Variants in AGAP1 observed in about 807,000 individuals in gnomAD.
AGAP1 encodes ArfGAP with GTPase domain, ankyrin repeat and PH domain 1, also known as arf-GAP with GTPase, ANK repeat and PH domain-containing protein 1.
AGAP1 carries 29 observed loss-of-function variants against 105.3 expected under a neutral mutation model. That is an observed-to-expected ratio of 0.28 (90% CI 0.21 to 0.38). AGAP1 has a LOEUF of 0.38. AGAP1 is among the 10% of genes least tolerant of loss of function. AGAP1 has a pLI of 1.00. For synonymous variants in AGAP1, 509 were observed against 485.9 expected, an observed-to-expected ratio of 1.05 and a Z score of -0.63; for missense variants, 998 against 1,165.1, an observed-to-expected ratio of 0.86 and a Z score of 2.09.
chr2:235,632,745 G>T lies in AGAP1; in HGVS notation c.164-76434G>T, dbSNP rs114467145. 3.0e-3 allele frequency among the ~76,000 whole-genome samples: 456 copies of T among 152,228 alleles called. 3 individuals are homozygous for T. Among genetic ancestry groups the T allele is most frequent in the Non-Finnish European group, 5.4e-3 (367 of 68,016 alleles). On this transcript the variant is annotated intron_variant, in intron 1 of 17. Coordinates refer to ENST00000304032, the MANE Select transcript of AGAP1 (RefSeq NM_001037131.3). ...GTGTTTCCCATGCTAAACAGTGCCC[G>T]CTGATTTAATCAAGAGACTTGATAG...
chr2:235,827,362 G>A (rs939148465), intron 9 of AGAP1, among the ~76,000 whole-genome samples: 1 of 152,140 alleles, frequency 6.6e-6, no homozygotes, highest in Non-Finnish European at 1.5e-5. Context: ...TGACCCACGT[G>A]GCTGAAGGGC....
rs1024006339 is a variant in AGAP1, at chr2:235,690,956, G to T, written c.164-18223G>T. On this transcript the variant is annotated intron_variant, in intron 1 of 17. Coordinates refer to ENST00000304032, the MANE Select transcript of AGAP1 (RefSeq NM_001037131.3). This position sits in a 1 kb window ranked among gnomAD's most constrained non-coding sequence, Gnocchi z 4.1. ...GATTCGTGGCTGCTATTTTAGATAT[G>T]CCAGGAGCCTTCTTGGAAGTCGCTC... Among the ~76,000 whole-genome samples the T allele has an allele frequency of 1.3e-5, 2 of 152,126 alleles. No individual in the cohort carries two copies. Among genetic ancestry groups the T allele is most frequent in the Non-Finnish European group, 2.9e-5 (2 of 68,024 alleles).
At chr2:235,745,649 C>CCTTTT (rs1559426585) in intron 5 of AGAP1, among the ~76,000 whole-genome samples, 1 of 152,164 alleles carries the variant, frequency 6.6e-6, no homozygotes, top group African/African-American at 2.4e-5. Context: ...GACTGTTTTG[C>CCTTTT]GAATTCTTTT....
rs894202450 is a variant in AGAP1 at position 235,578,564 on chromosome 2, C to T, written c.163+83715C>T. 1.3e-5 allele frequency among the ~76,000 whole-genome samples: 2 copies of T among 152,090 alleles called. No individual in the cohort carries two copies. Among genetic ancestry groups the T allele is most frequent in the African/African-American group, 4.8e-5 (2 of 41,424 alleles). On this transcript the variant is annotated intron_variant, in intron 1 of 17. Coordinates refer to ENST00000304032, the MANE Select transcript of AGAP1 (RefSeq NM_001037131.3). This position sits in a 1 kb window ranked among gnomAD's most constrained non-coding sequence, Gnocchi z 4.9. ...TTGGGAGGCTGAGGCAGGCGGATCA[C>T]TTGAGGTCAGGAGTTTGAGACCAGC...
chr2:236,107,902 T>C (rs1310649213), intron 16 of AGAP1, among the ~76,000 whole-genome samples: 1 of 152,232 alleles, frequency 6.6e-6, no homozygotes, highest in Non-Finnish European at 1.5e-5. Context: ...TTAATAATGA[T>C]CCTCTTCTGT....
chr2:235,671,701 C>T (rs1259289375), intron 1 of AGAP1, among the ~76,000 whole-genome samples: 3 of 152,220 alleles, frequency 2.0e-5, no homozygotes, highest in Admixed American at 2.0e-4. Flanking sequence ...GGACTGGATT[C>T]TGTTTCCTCA....
At chr2:235,948,348 A>G (rs2053589106) in intron 12 of AGAP1, among the ~76,000 whole-genome samples, 1 of 151,860 alleles carries the variant, frequency 6.6e-6, no homozygotes, top group Non-Finnish European at 1.5e-5. Context: ...ATGCCCAGCT[A>G]ATTTTTTGTA....
In AGAP1 at chr2:235,934,377, G is replaced by T. The variant is rs1278323161; in HGVS notation, c.1483+3454G>T. Among the ~76,000 whole-genome samples the T allele has an allele frequency of 6.6e-6, 1 of 152,178 alleles. No individual in the cohort carries two copies. Among genetic ancestry groups the T allele is most frequent in the Non-Finnish European group, 1.5e-5 (1 of 68,038 alleles). The stretch of plus-strand genomic sequence containing the variant: ...CAGGCTCCACCCAGGCCTGCTGGAC[G>T]CATCCTTGTCTGTCTGCGCCGAGGG... On this transcript the variant is annotated intron_variant, in intron 12 of 17. Coordinates refer to ENST00000304032, the MANE Select transcript of AGAP1 (RefSeq NM_001037131.3). The surrounding 1 kb of genome is among the most constrained non-coding windows in gnomAD (Gnocchi z 4.9).
chr2:235,516,788 G>A (rs987561503), intron 1 of AGAP1, among the ~76,000 whole-genome samples: 15 of 152,224 alleles, frequency 9.9e-5, no homozygotes, highest in African/African-American at 3.6e-4. Context: ...GGAAGTAAGT[G>A]GCGTCGCTGC....
At chr2:235,503,950 G>A (rs1298852195) in intron 1 of AGAP1, among the ~76,000 whole-genome samples, 1 of 152,156 alleles carries the variant, frequency 6.6e-6, no homozygotes, top group Non-Finnish European at 1.5e-5. Context: ...ACAGTGGCAC[G>A]ATCGTGGCTC....
chr2:235,746,183 G>A (rs1406814013), intron 5 of AGAP1, among the ~76,000 whole-genome samples: 1 of 151,832 alleles, frequency 6.6e-6, no homozygotes, highest in Non-Finnish European at 1.5e-5. Context: ...TACTTGGGAG[G>A]CTGAGGCAGG....
chr2:235,881,371 C>CT (rs1251536388), intron 9 of AGAP1, among the ~76,000 whole-genome samples: 1 of 152,110 alleles, frequency 6.6e-6, no homozygotes, highest in African/African-American at 2.4e-5. Flanking sequence ...CTCAAAGCGT[C>CT]TTCTTGTATT....
At chr2:235,544,549 C>T (rs1357717124) in intron 1 of AGAP1, among the ~76,000 whole-genome samples, 6 of 152,212 alleles carry the variant, frequency 3.9e-5, no homozygotes, top group African/African-American at 7.2e-5. Flanking sequence ...CCAGCCGGGC[C>T]GACCACGGAG....
chr2:235,767,867 C>T (rs2149825875), intron 6 of AGAP1, among the ~76,000 whole-genome samples: 1 of 147,258 alleles, frequency 6.8e-6, no homozygotes, highest in South Asian at 2.2e-4. Flanking sequence ...TCACTGCAAC[C>T]TCCGCCTCCG....
intron 9 of AGAP1, among the ~76,000 whole-genome samples, chr2:235,813,428 C>G (rs556799065): frequency 3.3e-5 from 5 of 152,216 alleles, no homozygotes; most frequent in Non-Finnish European, 7.3e-5. Flanking sequence ...AACGGAAGTT[C>G]GTTTTAAGAC....
chr2:235,967,486 G>GT lies in AGAP1; in HGVS notation c.1484-973dup, dbSNP rs542478143. On this transcript the variant is annotated intron_variant, in intron 12 of 17. Coordinates refer to ENST00000304032, the MANE Select transcript of AGAP1 (RefSeq NM_001037131.3). This position sits in a 1 kb window ranked among gnomAD's most constrained non-coding sequence, Gnocchi z 4.7. ...ACAGAGTCCCCATTGGGGCAGGAAT[G>GT]TTTATCTGTTTCTCCTCGATCAATG... Among the ~76,000 whole-genome samples, 202 of 152,292 alleles carry GT rather than the reference G, an allele frequency of 1.3e-3. No individual in the cohort carries two copies. The Middle Eastern group carries it at 0.014, about 10-fold the overall frequency.
chr2:235,859,819 T>C (rs976617649), intron 9 of AGAP1, among the ~76,000 whole-genome samples: 17 of 152,312 alleles, frequency 1.1e-4, no homozygotes, highest in African/African-American at 4.1e-4. Flanking sequence ...CTGAAATGCC[T>C]CCGCCCTGGA....
At chr2:235,999,050 A>T (rs972656055) in intron 13 of AGAP1, among the ~76,000 whole-genome samples, 1 of 148,102 alleles carries the variant, frequency 6.8e-6, no homozygotes, top group African/African-American at 2.5e-5. Flanking sequence ...GATGGCAAGA[A>T]TGATAATGAT....
At chr2:235,939,677 A>T (rs1213111582) in intron 12 of AGAP1, among the ~76,000 whole-genome samples, 1 of 151,942 alleles carries the variant, frequency 6.6e-6, no homozygotes, top group Non-Finnish European at 1.5e-5. Context: ...TCCCAGGAGC[A>T]CCCCTTGGTT....
Sources: gnomAD v4.1 joint callset for allele counts (sites outside exome capture counted in the v4.1 genomes callset) on GRCh38, gnomAD v4.1.1 for gene constraint, Gnocchi (gnomAD v3.1) non-coding constraint, MANE v1.5 for transcripts, NCBI Gene and HGNC (gene_info 2026-07-23, HGNC 2026-07-21) for gene names.